LMBR1: variants seen among roughly 807,000 people sequenced by gnomAD.
The protein encoded by LMBR1 is limb development membrane protein 1, also known as limb region 1 protein homolog.
A neutral mutation model predicts 73.9 loss-of-function variants in LMBR1; 52 were observed. The observed-to-expected ratio is 0.70, with a 90% CI of 0.56 to 0.89. LMBR1 has a LOEUF of 0.89. Ranked by LOEUF, LMBR1 falls within the 40% of genes least tolerant of loss-of-function variation. The pLI is 0.00. For synonymous variants in LMBR1, 215 were observed against 209.4 expected (o/e 1.03, Z -0.23); for missense variants, 539 against 579.8 (o/e 0.93, Z 0.72).
rs902705772 is a variant in LMBR1, at chr7:156,670,397, C to G, written n.867-1110G>C. Among the ~76,000 whole-genome samples the G allele has an allele frequency of 6.6e-6, 1 of 152,144 alleles. No homozygotes were observed. Among genetic ancestry groups the G allele is most frequent in the African/African-American group, 2.4e-5 (1 of 41,426 alleles). ...AAGCGGGTCCAGGGAAGTGACTTGC[C>G]TAAGAGAGGATGTGGCGCAGGATGT... On this transcript the variant is annotated intron_variant and non_coding_transcript_variant, in intron 4 of 4. Transcript: ENST00000430825. This position sits in a 1 kb window ranked among gnomAD's most constrained non-coding sequence, Gnocchi z 4.3.
At chr7:156,787,069 C>A (rs908275088) in intron 5 of LMBR1, among the ~76,000 whole-genome samples, 2 of 152,162 alleles carry the variant, frequency 1.3e-5, no homozygotes, top group Admixed American at 6.5e-5. Context: ...GGGAGACTTT[C>A]TTCTGCCCAG....
At chr7:156,751,707 C>T (rs942934404) in intron 9 of LMBR1, among the ~76,000 whole-genome samples, 1 of 152,124 alleles carries the variant, frequency 6.6e-6, no homozygotes, top group African/African-American at 2.4e-5. Context: ...CAGAAGGAAT[C>T]CATATGGGAA....
At chr7:156,828,374 T>C (rs1417978591) in intron 3 of LMBR1, among the ~76,000 whole-genome samples, 2 of 152,222 alleles carry the variant, frequency 1.3e-5, no homozygotes, top group African/African-American at 2.4e-5. Flanking sequence ...CTGTGAAGCA[T>C]TCCTCAACTT....
At chr7:156,741,496 A>G (rs1818887169) in intron 9 of LMBR1, among the ~76,000 whole-genome samples, 1 of 152,200 alleles carries the variant, frequency 6.6e-6, no homozygotes, top group African/African-American at 2.4e-5. Flanking sequence ...AAAGTACAGG[A>G]GTAGCTATAC....
At chr7:156,751,134 T>C (rs1820801209) in intron 9 of LMBR1, among the ~76,000 whole-genome samples, 1 of 151,752 alleles carries the variant, frequency 6.6e-6, no homozygotes, top group South Asian at 2.1e-4. Flanking sequence ...AATAAATAAA[T>C]CCCTGGAGTT....
intron 15 of LMBR1, among the ~76,000 whole-genome samples, chr7:156,694,840 A>G (rs1366415421): frequency 6.6e-6 from 1 of 152,270 alleles, no homozygotes; most frequent in Non-Finnish European, 1.5e-5. Context: ...AAAGAATGTC[A>G]TAATAAACTC....
intron 1 of LMBR1, among the ~76,000 whole-genome samples, chr7:156,891,394 A>G (rs1802962063): frequency 1.3e-5 from 2 of 151,884 alleles, no homozygotes; most frequent in African/African-American, 4.8e-5. Context: ...AGAATGAATT[A>G]TAACCACATA....
At chr7:156,775,198 T>C (rs570627276) in intron 5 of LMBR1, among the ~76,000 whole-genome samples, 1 of 152,042 alleles carries the variant, frequency 6.6e-6, no homozygotes, top group East Asian at 1.9e-4. Flanking sequence ...AGAAACCCCA[T>C]CTCTACGGAA....
chr7:156,700,350 C>T (rs1367777500), intron 15 of LMBR1, among the ~76,000 whole-genome samples: 2 of 151,824 alleles, frequency 1.3e-5, no homozygotes, highest in Admixed American at 6.6e-5. Flanking sequence ...AATGAGAACA[C>T]ATGGACACAG....
intron 4 of LMBR1, among the ~76,000 whole-genome samples, chr7:156,800,528 CAA>C (rs1830784040): frequency 7.2e-6 from 1 of 138,096 alleles, no homozygotes; most frequent in African/African-American, 2.7e-5. Flanking sequence ...TGCTCATTGA[CAA>C]TGCACCTGCT....
At chr7:156,684,538 C>T (rs1045885532) in intron 16 of LMBR1, among the ~76,000 whole-genome samples, 1 of 152,206 alleles carries the variant, frequency 6.6e-6, no homozygotes, top group Non-Finnish European at 1.5e-5. Flanking sequence ...CTCTGCACAG[C>T]CCCTTCCTCT....
chr7:156,858,291 C>A (rs1797257207), intron 1 of LMBR1, among the ~76,000 whole-genome samples: 1 of 151,966 alleles, frequency 6.6e-6, no homozygotes, highest in Non-Finnish European at 1.5e-5. Flanking sequence ...AAAAAAATTA[C>A]AGGAATATTA....
intron 16 of LMBR1, 89 bp downstream of exon 16, chr7:156,687,941 A>G (rs1240817784): frequency 8.0e-7 from 1 of 1,257,820 alleles, no homozygotes; most frequent in Non-Finnish European, 1.1e-6. Flanking sequence ...CAAATTTGGG[A>G]AACTAAATAG....
chr7:156,869,732 C>A (rs1798992560), intron 1 of LMBR1, among the ~76,000 whole-genome samples: 1 of 152,052 alleles, frequency 6.6e-6, no homozygotes, highest in Non-Finnish European at 1.5e-5. Context: ...CAAAAAAGAT[C>A]CAACTATATG....
At chr7:156,740,569 C>T (rs1007048246) in intron 9 of LMBR1, among the ~76,000 whole-genome samples, 136 of 152,276 alleles carry the variant, frequency 8.9e-4, no homozygotes, top group African/African-American at 3.2e-3. Flanking sequence ...GGAAACCTTG[C>T]AGGCCAGGAG....
chr7:156,791,594 G>C (rs1029658370), intron 5 of LMBR1, among the ~76,000 whole-genome samples: 1 of 152,192 alleles, frequency 6.6e-6, no homozygotes, highest in African/African-American at 2.4e-5. Context: ...GTGCTGTCAT[G>C]TTGCTCAGCT....
chr7:156,801,356 C>A (rs1324366093), intron 4 of LMBR1, among the ~76,000 whole-genome samples: 1 of 152,204 alleles, frequency 6.6e-6, no homozygotes, highest in African/African-American at 2.4e-5. Flanking sequence ...AAGGCATGTA[C>A]ACACATTGCT....
intron 8 of LMBR1, among the ~76,000 whole-genome samples, 174 bp from the exon 9 acceptor site, chr7:156,756,639 G>A (rs1308669824): frequency 1.3e-5 from 2 of 152,080 alleles, no homozygotes; most frequent in Non-Finnish European, 2.9e-5. Context: ...AAATACTTTA[G>A]TATATAACCA....
chr7:156,826,570 AT>A, intron 4 of LMBR1, 34 bp downstream of exon 4: 1 of 1,270,412 alleles, frequency 7.9e-7, no homozygotes, highest in Non-Finnish European at 1.0e-6. Flanking sequence ...AAATTAAAAT[AT>A]TAATTGTGAT....
Sources: allele counts gnomAD v4.1 joint callset (sites outside exome capture counted in the v4.1 genomes callset), GRCh38; gene constraint gnomAD v4.1.1; non-coding constraint Gnocchi (gnomAD v3.1); transcripts MANE v1.5; gene names NCBI Gene and HGNC (gene_info 2026-07-23, HGNC 2026-07-21).